CENPK: variants seen among roughly 807,000 people sequenced by gnomAD.
CENPK encodes SoxLZ/Sox6-binding protein Solt.
A neutral mutation model predicts 40.9 loss-of-function variants in CENPK; 46 were observed. The ratio of observed to expected loss-of-function variants is 1.13; its 90% CI spans 0.89 to 1.44. The LOEUF is 1.44. Ranked by LOEUF, CENPK falls within the 40% of genes most tolerant of loss-of-function variation. The pLI is 0.00. For synonymous variants in CENPK, 107 were observed against 104.4 expected (o/e 1.02, Z -0.15); for missense variants, 288 against 303.5 (o/e 0.95, Z 0.38).
At chr5:65,505,801 T>C in the CENPK span, among the ~76,000 whole-genome samples, 1 of 152,254 alleles carries the variant, frequency 6.6e-6, no homozygotes, top group Non-Finnish European at 1.5e-5. Context: ...TACTTATTTA[T>C]ATTCCTTCAT....
At chr5:65,508,582 C>T in the CENPK span, among the ~76,000 whole-genome samples, 11,276 of 151,946 alleles carry the variant, frequency 0.074, 429 homozygotes, top group East Asian at 0.096. Flanking sequence ...GTCAGGAGTT[C>T]GACACCAGCC....
chr5:65,533,342 C>T (rs866441400), intron 6 of CENPK, among the ~76,000 whole-genome samples: 17 of 68,998 alleles, frequency 2.5e-4, no homozygotes, highest in Admixed American at 1.6e-3. Flanking sequence ...AGAGTAAGAC[C>T]CTGTATCAAA....
chr5:65,544,838 A>C (rs1424294000), intron 5 of CENPK, among the ~76,000 whole-genome samples: 6 of 152,190 alleles, frequency 3.9e-5, no homozygotes, highest in Admixed American at 3.9e-4. Context: ...TCAAATTAAT[A>C]GAAAGTAGAA....
At position 65,522,478 on chromosome 5, in the gene CENPK, G is replaced by A. The variant is rs567245550; in HGVS notation, c.598-950C>T. Among the ~76,000 whole-genome samples, 31 of 152,122 alleles carry A rather than the reference G, an allele frequency of 2.0e-4. No individual in the cohort carries two copies. The South Asian group carries it at 6.2e-3, about 31-fold the overall frequency. ...GGGTCTCACTCTGTCACCCAGGCTGGAGTGCAGTGGTGCCATCATAGCCCA... is the reference window on the plus strand; with the variant it reads ...GGGTCTCACTCTGTCACCCAGGCTGAAGTGCAGTGGTGCCATCATAGCCCA... On this transcript the variant is annotated intron_variant, in intron 9 of 10. Transcript: ENST00000396679.
chr5:65,523,425 G>A (rs1744128820), intron 9 of CENPK, among the ~76,000 whole-genome samples: 1 of 152,116 alleles, frequency 6.6e-6, no homozygotes, highest in Admixed American at 6.5e-5. Context: ...GATTACCATG[G>A]AATTCTTATA....
At chr5:65,505,454 A>C in the CENPK span, among the ~76,000 whole-genome samples, 1 of 152,138 alleles carries the variant, frequency 6.6e-6, no homozygotes, top group East Asian at 1.9e-4. Context: ...ACAACATGGT[A>C]ATACCTTGTT....
intron 9 of CENPK, 138 bp from the exon 10 acceptor site, chr5:65,521,666 T>C: frequency 3.2e-6 from 2 of 633,412 alleles, no homozygotes; most frequent in East Asian, 6.3e-5. Flanking sequence ...AATGGCGCAA[T>C]CTCGGTTCAC....
intron 6 of CENPK, chr5:65,541,379 G>A (rs1561662188): frequency 4.4e-6 from 2 of 456,232 alleles, no homozygotes; most frequent in East Asian, 7.0e-5. Flanking sequence ...TGTCAGAACT[G>A]AAGTGAATTA....
At chr5:65,546,866 A>T (rs1351392753) in intron 5 of CENPK, among the ~76,000 whole-genome samples, 2 of 152,196 alleles carry the variant, frequency 1.3e-5, no homozygotes, top group Non-Finnish European at 2.9e-5. Context: ...CTGTTGTTTA[A>T]GCCACCTAGT....
intron 6 of CENPK, among the ~76,000 whole-genome samples, chr5:65,536,749 T>C (rs554432431): frequency 6.6e-6 from 1 of 152,346 alleles, no homozygotes; most frequent in African/African-American, 2.4e-5. Flanking sequence ...CTGCAACTTA[T>C]AATGGTAAAA....
rs75700362 is a variant in CENPK at position 65,522,350 on chromosome 5, A to T, written c.598-822T>A. On this transcript the variant is annotated intron_variant, in intron 9 of 10. Transcript: ENST00000396679. ...CCAATTCTACCCAAGAGTTCCTCAA[A>T]TATTTGAAGACTGCTATTATAAGGC... Among the ~76,000 whole-genome samples the T allele has an allele frequency of 1.9e-3, 294 of 152,284 alleles. 2 individuals carry two copies. Among genetic ancestry groups the T allele is most frequent in the African/African-American group, 6.8e-3 (283 of 41,566 alleles).
intron 6 of CENPK, among the ~76,000 whole-genome samples, chr5:65,539,567 C>T (rs888277074): frequency 6.6e-6 from 1 of 152,238 alleles, no homozygotes; most frequent in East Asian, 1.9e-4. Flanking sequence ...TCAAGGCCCA[C>T]TAGGGTGCAG....
chr5:65,528,537 TC>T lies in CENPK; in HGVS notation c.511del (p.Glu171AsnfsTer7). 1 of 1,587,892 alleles carries T rather than the reference TC, an allele frequency of 6.3e-7. No individual in the cohort carries two copies. Among genetic ancestry groups the T allele is most frequent in the Non-Finnish European group, 8.5e-7 (1 of 1,171,546 alleles). On this transcript the variant is annotated frameshift_variant, in exon 9 of 11. Transcript: ENST00000396679. LOFTEE classifies it high-confidence loss of function. ...ELKTKMLNIKEYKEKLLSTLG... is the reference protein window; with the variant it reads ...ELKTKMLNIKXYKEKLLSTLG... Reference sequence around the variant, plus strand: ...GGTACTCAAGAGTTTCTCCTTATATTCTTTTATATTAAGCATTTTAGTTTTC... The same window carrying T: ...GGTACTCAAGAGTTTCTCCTTATATTTTTTATATTAAGCATTTTAGTTTTC...
chr5:65,501,640 G>C, the CENPK span, among the ~76,000 whole-genome samples: 6 of 152,230 alleles, frequency 3.9e-5, no homozygotes, highest in African/African-American at 1.4e-4. Flanking sequence ...CACAATTCTG[G>C]TGGAGGGGAA....
intron 10 of CENPK, 97 bp downstream of exon 10, chr5:65,521,378 A>G: frequency 2.6e-6 from 2 of 759,914 alleles, no homozygotes; most frequent in South Asian, 3.3e-5. Flanking sequence ...ATACTTTAAG[A>G]ATTAAAGCAG....
chr5:65,507,610 T>C, the CENPK span, among the ~76,000 whole-genome samples: 1 of 152,322 alleles, frequency 6.6e-6, no homozygotes, highest in East Asian at 1.9e-4. Context: ...ATTGCTTCAG[T>C]CTGCCCCATC....
downstream of CENPK, among the ~76,000 whole-genome samples, chr5:65,514,230 CTTTTTTTT>C (rs1183025827): frequency 1.6e-5 from 1 of 62,800 alleles, no homozygotes; most frequent in African/African-American, 6.9e-5. Context: ...CTCACATAAT[CTTTTTTTT>C]TTTTTTTTTT....
chr5:65,522,736 A>G (rs1744014311), intron 9 of CENPK, among the ~76,000 whole-genome samples: 1 of 152,076 alleles, frequency 6.6e-6, no homozygotes, highest in Non-Finnish European at 1.5e-5. Flanking sequence ...CACCTCAATT[A>G]CTTTTCATAT....
chr5:65,513,507 CAAA>C (rs1281235922), downstream of CENPK, among the ~76,000 whole-genome samples: 11 of 152,080 alleles, frequency 7.2e-5, no homozygotes, highest in African/African-American at 2.7e-4. Context: ...AGATCTTGTA[CAAA>C]GTTAATTTTG....
Sources: allele counts gnomAD v4.1 joint callset (sites outside exome capture counted in the v4.1 genomes callset), GRCh38; gene constraint gnomAD v4.1.1; transcripts MANE v1.5; gene names NCBI Gene and HGNC (gene_info 2026-07-23, HGNC 2026-07-21).